Variants in PLEKHA6 observed in about 807,000 individuals in gnomAD.
PLEKHA6 encodes pleckstrin homology domain-containing family A member 6.
PLEKHA6 carries 60 observed loss-of-function variants against 116.7 expected under a neutral mutation model. The ratio of observed to expected loss-of-function variants is 0.51; its 90% CI spans 0.42 to 0.64. The LOEUF is 0.64. Among genes scored for constraint, PLEKHA6 ranks in the 30% least tolerant of loss-of-function variants. The pLI is 0.00. For missense variants in PLEKHA6, 1,338 were observed against 1,422.7 expected (o/e 0.94, Z 0.96); for synonymous variants, 489 against 556.1 (o/e 0.88, Z 1.70).
chr1:204,228,917 C>A lies in PLEKHA6; in HGVS notation c.2751+20G>T. The A allele has an allele frequency of 4.3e-6, 7 of 1,614,090 alleles. No individual in the cohort carries two copies. Among genetic ancestry groups the A allele is most frequent in the Non-Finnish European group, 5.9e-6 (7 of 1,179,980 alleles). On this transcript the variant is annotated intron_variant, in intron 19 of 22. Coordinates refer to ENST00000272203, the MANE Select transcript of PLEKHA6 (RefSeq NM_014935.5). The surrounding 1 kb of genome is among the most constrained non-coding windows in gnomAD (Gnocchi z 4.0). ...CCCTTCCCAGAGTCTCCCACTACAG[C>A]CCTTCCTGGCTCCACTCACCTCCTT... is the stretch of plus-strand genomic sequence containing the variant.
chr1:204,297,409 G>C (rs538486963), intron 1 of PLEKHA6, among the ~76,000 whole-genome samples: 5 of 152,354 alleles, frequency 3.3e-5, no homozygotes, highest in Middle Eastern at 3.4e-3. Context: ...CAAGGTCGCT[G>C]TCCTGGGGGA....
intron 1 of PLEKHA6, among the ~76,000 whole-genome samples, chr1:204,334,556 C>T (rs1439757282): frequency 6.6e-6 from 1 of 152,170 alleles, no homozygotes; most frequent in Non-Finnish European, 1.5e-5. Flanking sequence ...ATTAATATAT[C>T]TACCACTTCA....
chr1:204,376,071 T>G (rs1263235193), intron 1 of PLEKHA6, among the ~76,000 whole-genome samples: 1 of 152,128 alleles, frequency 6.6e-6, no homozygotes, highest in Non-Finnish European at 1.5e-5. Context: ...TATTGATTTA[T>G]GTATTCTCCC....
intron 1 of PLEKHA6, 182 bp from the exon 2 acceptor site, chr1:204,274,991 T>TGGGGGGGGGGGCCGGGGG: frequency 4.9e-6 from 1 of 202,812 alleles, no homozygotes; most frequent in Non-Finnish European, 7.4e-6. Context: ...GGGGGCGGGG[T>TGGGGGGGGGGGCCGGGGG]GGGGGAAGGA....
At chr1:204,264,647 A>G (rs1666549293) in intron 6 of PLEKHA6, among the ~76,000 whole-genome samples, 2 of 152,174 alleles carry the variant, frequency 1.3e-5, no homozygotes, top group African/African-American at 4.8e-5. Context: ...CTGCCCCAGT[A>G]ACAATTGTGG....
At chr1:204,264,802 C>T (rs1666571466) in intron 6 of PLEKHA6, 140 bp downstream of exon 6, 2 of 718,226 alleles carry the variant, frequency 2.8e-6, no homozygotes, top group South Asian at 1.6e-5. Flanking sequence ...CTCCTCCTCC[C>T]CCAACCCACC....
In PLEKHA6 at chr1:204,375,117, T is replaced by C. The variant is rs140957243; in HGVS notation, c.83+2466A>G. Among the ~76,000 whole-genome samples the C allele has an allele frequency of 3.8e-3, 583 of 152,278 alleles. 3 individuals are homozygous for C. Among genetic ancestry groups the C allele is most frequent in the African/African-American group, 0.014 (566 of 41,548 alleles). Reference sequence around the variant, plus strand: ...GTCTTACTCTCCAGCCTGGCCTCTGTTCCTCTGTCCCTTCCTTGACACTGG... The same window carrying C: ...GTCTTACTCTCCAGCCTGGCCTCTGCTCCTCTGTCCCTTCCTTGACACTGG... On this transcript the variant is annotated intron_variant, in intron 1 of 4. Coordinates refer to the PLEKHA6 transcript ENST00000564627.
intron 1 of PLEKHA6, among the ~76,000 whole-genome samples, chr1:204,357,829 T>C (rs1365536882): frequency 3.3e-5 from 5 of 152,270 alleles, no homozygotes; most frequent in African/African-American, 1.2e-4. Flanking sequence ...GCTCGCTCTA[T>C]GAGCCCGAGG....
chr1:204,248,893 CT>C lies in PLEKHA6; in HGVS notation c.1751del (p.Lys584SerfsTer27). ...MFGSQPAYPE[K>X]LRHKKDSLQN... ...GCAGTGAATCCTTTTTGTGTCGCAG[CT>C]TTTCTGGGTAGGCGGGCTGGCTTCC... On this transcript the variant is annotated frameshift_variant, in exon 12 of 23. Transcript: ENST00000272203. LOFTEE classifies it high-confidence loss of function. The C allele has an allele frequency of 6.2e-7, 1 of 1,614,164 alleles. No homozygotes were observed. The highest frequency in any genetic ancestry group is 8.5e-7 in the Non-Finnish European group (1 of 1,180,028).
intron 6 of PLEKHA6, among the ~76,000 whole-genome samples, chr1:204,264,263 A>G (rs1666505447): frequency 6.6e-6 from 1 of 152,124 alleles, no homozygotes; most frequent in Non-Finnish European, 1.5e-5. Context: ...GACTTTTTAA[A>G]CGTGGAAAAA....
intron 1 of PLEKHA6, among the ~76,000 whole-genome samples, chr1:204,298,949 C>A (rs928005858): frequency 1.3e-5 from 2 of 152,190 alleles, no homozygotes; most frequent in Non-Finnish European, 1.5e-5. Context: ...GTCCTCTCTG[C>A]AATGAGAGAA....
chr1:204,350,621 T>C (rs1256896850), intron 1 of PLEKHA6, among the ~76,000 whole-genome samples: 1 of 152,102 alleles, frequency 6.6e-6, no homozygotes, highest in Non-Finnish European at 1.5e-5. Flanking sequence ...CTCCCAAACG[T>C]GTGCTCTGGA....
rs1668196722 is a variant in PLEKHA6, at chr1:204,277,985, A to AG, written c.-94-3177dup. On this transcript the variant is annotated intron_variant, in intron 1 of 22. Transcript: ENST00000272203. The surrounding 1 kb of genome is among the most constrained non-coding windows in gnomAD (Gnocchi z 4.1). The stretch of plus-strand genomic sequence containing the variant: ...AAGAGGGCAGCAAATGGGGCTTGAG[A>AG]GGGGGTCACTGTGTGTTTATGGCTG... 1 of 152,184 alleles carries AG rather than the reference A, an allele frequency of 6.6e-6. No homozygotes were observed. Among genetic ancestry groups the AG allele is most frequent in the Non-Finnish European group, 1.5e-5 (1 of 68,074 alleles). 9.4% of individuals were successfully genotyped at this position (152,184 alleles called of 1,614,324 possible). A position where few individuals can be genotyped will look rare whatever the true frequency, so the allele number is the denominator to read the frequency against.
chr1:204,329,797 G>A (rs1166800555), intron 1 of PLEKHA6, among the ~76,000 whole-genome samples: 1 of 151,944 alleles, frequency 6.6e-6, no homozygotes, highest in African/African-American at 2.4e-5. Context: ...CTCATTGTCT[G>A]TAATCCCAGC....
intron 1 of PLEKHA6, among the ~76,000 whole-genome samples, chr1:204,287,583 G>C (rs765639608): frequency 2.0e-5 from 3 of 151,806 alleles, no homozygotes; most frequent in Non-Finnish European, 4.4e-5. Context: ...ACCCACCCCC[G>C]CCAGGTTCTG....
chr1:204,232,438 G>A (rs1469177024), intron 17 of PLEKHA6, among the ~76,000 whole-genome samples: 2 of 152,164 alleles, frequency 1.3e-5, no homozygotes, highest in Non-Finnish European at 1.5e-5. Flanking sequence ...TTGCTAAAGA[G>A]ATTAGGTATG....
Position 204,257,305 on chromosome 1 carries a change from T to G in PLEKHA6, c.1524+48A>C, listed in dbSNP as rs746187543. On this transcript the variant is annotated intron_variant, in intron 9 of 22. Coordinates refer to ENST00000272203, the MANE Select transcript of PLEKHA6 (RefSeq NM_014935.5). The surrounding 1 kb of genome is among the most constrained non-coding windows in gnomAD (Gnocchi z 6.5). ...TTTTCTCAGTAGATGGTCTTAGGCT[T>G]CTGGGGACCTCAGGGGATGAGGAAG... The G allele has an allele frequency of 1.3e-6, 2 of 1,525,944 alleles. No homozygotes were observed. The highest frequency in any genetic ancestry group is 2.8e-5 in the African/African-American group (2 of 72,578). The allele number at this position is 1,525,944 out of a possible 1,614,324, so 94.5% of individuals were successfully genotyped here.
At chr1:204,355,606 A>ATTTTTTTTTTTTTGTTGTTG (rs1164292986) in intron 1 of PLEKHA6, among the ~76,000 whole-genome samples, 1 of 151,866 alleles carries the variant, frequency 6.6e-6, no homozygotes, top group Non-Finnish European at 1.5e-5. Flanking sequence ...CACTTAGCTA[A>ATTTTTTTTTTTTTGTTGTTG]TTTTTATATT....
chr1:204,277,599 C>T lies in PLEKHA6; in HGVS notation c.-94-2790G>A, dbSNP rs924652883. The T allele has an allele frequency of 6.6e-6, 1 of 152,244 alleles. No individual in the cohort carries two copies. Among genetic ancestry groups the T allele is most frequent in the African/African-American group, 2.4e-5 (1 of 41,460 alleles). 9.4% of individuals were successfully genotyped at this position (152,244 alleles called of 1,614,324 possible). Reference sequence around the variant, plus strand: ...TCCTGAGCTGAAAATCAACTTGCTTCTCAGAGATCCTTCAGATCCTGTGGG... The same window carrying T: ...TCCTGAGCTGAAAATCAACTTGCTTTTCAGAGATCCTTCAGATCCTGTGGG... On this transcript the variant is annotated intron_variant, in intron 1 of 22. Transcript: ENST00000272203. The surrounding 1 kb of genome is among the most constrained non-coding windows in gnomAD (Gnocchi z 4.1).
Sources: gnomAD v4.1 joint callset for allele counts (sites outside exome capture counted in the v4.1 genomes callset) on GRCh38, gnomAD v4.1.1 for gene constraint, Gnocchi (gnomAD v3.1) non-coding constraint, MANE v1.5 for transcripts, NCBI Gene and HGNC (gene_info 2026-07-23, HGNC 2026-07-21) for gene names.